The following VPS13B variants were observed in gnomAD, a reference collection of about 807,000 sequenced individuals.
VPS13B encodes vacuolar protein sorting 13 homolog B, also known as intermembrane lipid transfer protein VPS13B.
VPS13B carries 285 observed loss-of-function variants against 426.4 expected under a neutral mutation model. That is an observed-to-expected ratio of 0.67 (90% CI 0.61 to 0.74). The LOEUF (loss-of-function observed/expected upper bound fraction) is 0.74, where lower values mean the gene tolerates loss of function less well. VPS13B is among the 30% of genes least tolerant of loss of function. VPS13B has a pLI of 0.00. For synonymous variants in VPS13B, 1,676 were observed against 1,676.4 expected (o/e 1.00, Z 0.01); for missense variants, 4,537 against 4,782.6 (o/e 0.95, Z 1.51).
At chr8:99,411,666 C>T (rs559593008) in intron 21 of VPS13B, among the ~76,000 whole-genome samples, 24 of 152,046 alleles carry the variant, frequency 1.6e-4, no homozygotes, top group Non-Finnish European at 2.1e-4. Context: ...GTACTGCCTC[C>T]GTTTTCTTCT....
intron 7 of VPS13B, among the ~76,000 whole-genome samples, chr8:99,118,440 G>A (rs1032452893): frequency 1.3e-5 from 2 of 151,964 alleles, no homozygotes; most frequent in African/African-American, 2.4e-5. Flanking sequence ...AAAATTCAAT[G>A]AGTTTGAGAA....
intron 44 of VPS13B, among the ~76,000 whole-genome samples, chr8:99,817,159 T>C (rs1012142343): frequency 5.3e-5 from 8 of 151,884 alleles, no homozygotes; most frequent in Non-Finnish European, 8.8e-5. Context: ...GAGTCTGCCC[T>C]TGGAGTATTG....
At chr8:99,289,806 G>A (rs1460358486) in intron 19 of VPS13B, among the ~76,000 whole-genome samples, 1 of 152,024 alleles carries the variant, frequency 6.6e-6, no homozygotes, top group African/African-American at 2.4e-5. Flanking sequence ...TGATATTGTT[G>A]AATCATTAAT....
intron 23 of VPS13B, among the ~76,000 whole-genome samples, chr8:99,466,399 A>G (rs1819115319): frequency 6.6e-6 from 1 of 152,152 alleles, no homozygotes; most frequent in South Asian, 2.1e-4. Flanking sequence ...TACTCTCTGT[A>G]CTGACAAGCA....
chr8:99,791,095 C>T (rs1172643868), intron 43 of VPS13B, among the ~76,000 whole-genome samples: 4 of 152,082 alleles, frequency 2.6e-5, no homozygotes, highest in Non-Finnish European at 4.4e-5. Flanking sequence ...TGGAGGAGTA[C>T]ACCAAGAAGA....
chr8:99,450,773 A>G (rs1001684253), intron 23 of VPS13B, among the ~76,000 whole-genome samples: 3 of 152,088 alleles, frequency 2.0e-5, no homozygotes, highest in Admixed American at 6.5e-5. Context: ...CCCCTGAGAA[A>G]TTATTTTTCT....
At chr8:99,191,820 G>A (rs945534326) in intron 16 of VPS13B, among the ~76,000 whole-genome samples, 1 of 152,140 alleles carries the variant, frequency 6.6e-6, no homozygotes, top group Non-Finnish European at 1.5e-5. Context: ...TAGTTTGCTG[G>A]TGTCTCATGC....
intron 17 of VPS13B, among the ~76,000 whole-genome samples, chr8:99,239,297 T>C (rs1044689936): frequency 1.1e-4 from 16 of 152,168 alleles, no homozygotes; most frequent in Admixed American, 8.5e-4. Context: ...CTTAAGTACA[T>C]TGAATTAAGT....
At chr8:99,063,647 A>G (rs1844318762) in intron 3 of VPS13B, among the ~76,000 whole-genome samples, 1 of 152,232 alleles carries the variant, frequency 6.6e-6, no homozygotes, top group Non-Finnish European at 1.5e-5. Context: ...GACAGGGCAT[A>G]GCTGAACAAA....
intron 33 of VPS13B, among the ~76,000 whole-genome samples, chr8:99,633,070 C>T (rs1280185769): frequency 6.6e-6 from 1 of 152,022 alleles, no homozygotes; most frequent in Non-Finnish European, 1.5e-5. Flanking sequence ...TCATCACTTT[C>T]TCAACTTGTA....
chr8:99,542,914 C>T (rs897674583), intron 30 of VPS13B, among the ~76,000 whole-genome samples: 10 of 152,104 alleles, frequency 6.6e-5, no homozygotes, highest in African/African-American at 2.4e-4. Flanking sequence ...TCAGTGCCAT[C>T]CCAATCAAGC....
chr8:99,405,621 A>G (rs1207261404), intron 21 of VPS13B, among the ~76,000 whole-genome samples: 1 of 152,164 alleles, frequency 6.6e-6, no homozygotes, highest in East Asian at 1.9e-4. Context: ...TAATCGCAGT[A>G]GTTGCTTCCT....
intron 13 of VPS13B, among the ~76,000 whole-genome samples, chr8:99,144,113 T>C (rs1338227007): frequency 6.6e-6 from 1 of 151,918 alleles, no homozygotes; most frequent in African/African-American, 2.4e-5. Flanking sequence ...GATGACAGAG[T>C]AGCAAGATAA....
intron 30 of VPS13B, among the ~76,000 whole-genome samples, chr8:99,529,711 A>G (rs576067252): frequency 3.3e-4 from 51 of 152,356 alleles, no homozygotes; most frequent in Non-Finnish European, 5.3e-4. Flanking sequence ...ACAAGGGCAA[A>G]GTAATTCACA....
chr8:99,503,485 T>A (rs1024121621), intron 27 of VPS13B, among the ~76,000 whole-genome samples: 2 of 152,194 alleles, frequency 1.3e-5, no homozygotes, highest in African/African-American at 4.8e-5. Context: ...TTAGTGGCAT[T>A]TTACCCACAA....
chr8:99,793,284 T>TATAA (rs1282918685), intron 43 of VPS13B, among the ~76,000 whole-genome samples: 18 of 142,530 alleles, frequency 1.3e-4, no homozygotes, highest in African/African-American at 4.2e-4. Flanking sequence ...TATATATATA[T>TATAA]AAAATACATG....
At chr8:99,313,852 C>T (rs1040497393) in intron 19 of VPS13B, among the ~76,000 whole-genome samples, 1 of 152,286 alleles carries the variant, frequency 6.6e-6, no homozygotes, top group East Asian at 1.9e-4. Flanking sequence ...TTTACCTACT[C>T]ATGCCTCAGC....
intron 35 of VPS13B, chr8:99,696,760 T>G: frequency 1.5e-6 from 2 of 1,338,002 alleles, no homozygotes. Flanking sequence ...GACCCAGCAA[T>G]GAGGAAATCA....
chr8:99,425,596 C>T (rs1010749075), intron 21 of VPS13B, among the ~76,000 whole-genome samples: 1 of 152,112 alleles, frequency 6.6e-6, no homozygotes, highest in Non-Finnish European at 1.5e-5. Context: ...ATGACAAACC[C>T]ACAGCCAATA....
Sources: allele counts gnomAD v4.1 joint callset (sites outside exome capture counted in the v4.1 genomes callset), GRCh38; gene constraint gnomAD v4.1.1; transcripts MANE v1.5; gene names NCBI Gene and HGNC (gene_info 2026-07-23, HGNC 2026-07-21).